Variants in SYT1 observed in about 807,000 individuals in gnomAD.
The protein encoded by SYT1 is synaptotagmin-1.
Under a neutral mutation model 44.8 loss-of-function variants are expected in SYT1, and 8 were observed. The ratio of observed to expected loss-of-function variants is 0.18; its 90% CI spans 0.10 to 0.32. The LOEUF (loss-of-function observed/expected upper bound fraction) is 0.32, where lower values mean the gene tolerates loss of function less well. SYT1 is among the 10% of genes least tolerant of loss of function. SYT1 has a pLI of 1.00. For synonymous variants in SYT1, 154 were observed against 188.8 expected, an observed-to-expected ratio of 0.82 and a Z score of 1.51; for missense variants, 286 against 509.3, an observed-to-expected ratio of 0.56 and a Z score of 4.22.
At chr12:79,062,957 CT>C (rs1172012745) in intron 3 of SYT1, among the ~76,000 whole-genome samples, 2 of 152,144 alleles carry the variant, frequency 1.3e-5, no homozygotes, top group African/African-American at 4.8e-5. Context: ...AGTTAAGTGA[CT>C]TGTCCAAGAC....
chr12:79,208,265 C>T (rs1358079011), intron 3 of SYT1, among the ~76,000 whole-genome samples: 1 of 151,930 alleles, frequency 6.6e-6, no homozygotes, highest in African/African-American at 2.4e-5. Context: ...TTTGAGTTTC[C>T]ATAATGGGAG....
intron 4 of SYT1, among the ~76,000 whole-genome samples, chr12:79,277,049 A>G (rs532196571): frequency 6.6e-6 from 1 of 152,100 alleles, no homozygotes; most frequent in Admixed American, 6.5e-5. Context: ...CAACAATAAA[A>G]TGTTTAGAAA....
At chr12:78,934,159 TACACACACACACATAC>T (rs1460485529) in intron 1 of SYT1, among the ~76,000 whole-genome samples, 1 of 148,060 alleles carries the variant, frequency 6.8e-6, no homozygotes, top group Admixed American at 6.8e-5. Flanking sequence ...TGTGCGTGTG[TACACACACACACATAC>T]ACACACACAC....
At chr12:79,191,983 G>A (rs1873158150) in intron 3 of SYT1, among the ~76,000 whole-genome samples, 2 of 152,048 alleles carry the variant, frequency 1.3e-5, no homozygotes, top group Non-Finnish European at 2.9e-5. Flanking sequence ...CTGACCTGAG[G>A]GGAAAACAAT....
intron 8 of SYT1, among the ~76,000 whole-genome samples, chr12:79,310,237 C>A (rs1565902452): frequency 1.3e-5 from 2 of 152,074 alleles, no homozygotes; most frequent in South Asian, 2.1e-4. Flanking sequence ...CTACATATGG[C>A]TAGCCAGTTT....
chr12:79,026,334 G>T (rs1320723699), intron 2 of SYT1, among the ~76,000 whole-genome samples: 1 of 151,402 alleles, frequency 6.6e-6, no homozygotes, highest in Non-Finnish European at 1.5e-5. Flanking sequence ...CCTAGTTATA[G>T]AAATGAGGAA....
At chr12:79,433,000 A>T (rs922713507) in intron 9 of SYT1, among the ~76,000 whole-genome samples, 1 of 152,106 alleles carries the variant, frequency 6.6e-6, no homozygotes, top group African/African-American at 2.4e-5. Context: ...TAGGAAATAT[A>T]CTCAAAAACT....
chr12:79,051,402 A>G (rs1333045012), intron 3 of SYT1, among the ~76,000 whole-genome samples: 4 of 150,122 alleles, frequency 2.7e-5, no homozygotes, highest in South Asian at 2.1e-4. Context: ...ATATTTATAT[A>G]TATCTCTACT....
chr12:78,995,857 C>T (rs1870345267), intron 2 of SYT1: 1 of 152,138 alleles, frequency 6.6e-6, no homozygotes, highest in African/African-American at 2.4e-5. Context: ...TGTAAGCAAT[C>T]CTCAATTCAT....
At chr12:78,959,557 G>A (rs1879393294) in intron 1 of SYT1, among the ~76,000 whole-genome samples, 1 of 152,048 alleles carries the variant, frequency 6.6e-6, no homozygotes, top group East Asian at 1.9e-4. Flanking sequence ...TGTAAATGAG[G>A]GGGAACTTCG....
chr12:79,025,375 T>C (rs1231142619), intron 2 of SYT1, among the ~76,000 whole-genome samples: 1 of 151,736 alleles, frequency 6.6e-6, no homozygotes, highest in African/African-American at 2.4e-5. Flanking sequence ...TTGAGCTTTA[T>C]AGAAGCACTG....
At chr12:79,168,641 A>G (rs1239158279) in intron 3 of SYT1, among the ~76,000 whole-genome samples, 1 of 152,016 alleles carries the variant, frequency 6.6e-6, no homozygotes, top group South Asian at 2.1e-4. Flanking sequence ...TTTTCATGAA[A>G]TGTTTTAAAC....
At chr12:78,876,852 T>TATGTATTATATATTATATGTATTAC in intron 1 of SYT1, among the ~76,000 whole-genome samples, 5 of 82,334 alleles carry the variant, frequency 6.1e-5, no homozygotes, top group African/African-American at 2.7e-4. Context: ...ATATATATTA[T>TATGTATTATATATTATATGTATTAC]ATATAATATA....
At chr12:79,379,976 G>C (rs981837004) in intron 9 of SYT1, among the ~76,000 whole-genome samples, 2 of 152,040 alleles carry the variant, frequency 1.3e-5, no homozygotes, top group Non-Finnish European at 2.9e-5. Context: ...ATCTAACCCA[G>C]GCCTTCTAAC....
intron 4 of SYT1, among the ~76,000 whole-genome samples, chr12:79,282,382 G>C (rs1000388745): frequency 4.6e-5 from 7 of 152,126 alleles, no homozygotes; most frequent in African/African-American, 7.2e-5. Flanking sequence ...ATGTGAGATT[G>C]ATTCATTAAC....
chr12:79,059,201 G>A (rs547252128), intron 3 of SYT1, among the ~76,000 whole-genome samples: 22 of 152,002 alleles, frequency 1.4e-4, no homozygotes, highest in African/African-American at 3.6e-4. Flanking sequence ...TGGGAAAGAC[G>A]CCCCCATAAT....
chr12:78,992,291 A>G (rs943239393), intron 2 of SYT1, among the ~76,000 whole-genome samples: 1 of 152,230 alleles, frequency 6.6e-6, no homozygotes, highest in Non-Finnish European at 1.5e-5. Flanking sequence ...TCCTCAAAAC[A>G]TTATCTCTAA....
At chr12:79,398,606 T>C (rs981317991) in intron 9 of SYT1, among the ~76,000 whole-genome samples, 2 of 152,206 alleles carry the variant, frequency 1.3e-5, no homozygotes, top group African/African-American at 2.4e-5. Flanking sequence ...AAGGTCCTTA[T>C]ACTTTAGACT....
Position 78,894,330 on chromosome 12 carries a change from G to GTTTTT in SYT1, c.-217+29252_-217+29256dup, listed in dbSNP as rs566175647. Among the ~76,000 whole-genome samples the GTTTTT allele has an allele frequency of 3.2e-4, 9 of 27,732 alleles. 3 individuals carry two copies. The highest frequency in any genetic ancestry group is 4.0e-4 in the Non-Finnish European group (6 of 15,136). The allele number at this position is 27,732 out of a possible 152,430, so 18.2% of individuals were successfully genotyped here. On this transcript the variant is annotated intron_variant, in intron 1 of 10. Transcript: ENST00000261205. ...AATTTATGATTGTGTTTTTTAATCT[G>GTTTTT]TTTTTTTTTTTTTTTTTTTTTTTTT...
Sources: gnomAD v4.1 joint callset for allele counts (sites outside exome capture counted in the v4.1 genomes callset) on GRCh38, gnomAD v4.1.1 for gene constraint, MANE v1.5 for transcripts, NCBI Gene and HGNC (gene_info 2026-07-23, HGNC 2026-07-21) for gene names.